Variants in NUP37 observed in about 807,000 individuals in gnomAD.
NUP37 encodes the protein nucleoporin 37, also known as nucleoporin Nup37.
In NUP37, 33 loss-of-function variants were observed where a neutral mutation model predicts 45.4. That is an observed-to-expected ratio of 0.73 (90% CI 0.55 to 0.97). NUP37 has a LOEUF of 0.97. Among genes scored for constraint, NUP37 ranks in the 50% least tolerant of loss-of-function variants. NUP37 has a pLI of 0.00. For missense variants in NUP37, 365 were observed against 389.7 expected, an observed-to-expected ratio of 0.94 and a Z score of 0.53; for synonymous variants, 127 against 130.7, an observed-to-expected ratio of 0.97 and a Z score of 0.19.
chr12:102,087,580 AG>A (rs1438195021), intron 5 of NUP37, among the ~76,000 whole-genome samples: 3 of 152,214 alleles, frequency 2.0e-5, no homozygotes, highest in Non-Finnish European at 4.4e-5. Flanking sequence ...ACGATGAATT[AG>A]ATTATTAATT....
At chr12:102,092,182 T>A (rs1335027350) in intron 5 of NUP37, among the ~76,000 whole-genome samples, 6 of 152,220 alleles carry the variant, frequency 3.9e-5, no homozygotes, top group Non-Finnish European at 7.4e-5. Context: ...AGGAAATTCA[T>A]CGCAGAAGGG....
chr12:102,113,668 TAC>T (rs1880379057), intron 2 of NUP37, among the ~76,000 whole-genome samples: 1 of 152,208 alleles, frequency 6.6e-6, no homozygotes, highest in Non-Finnish European at 1.5e-5. Flanking sequence ...CTGTGCTAAC[TAC>T]AGTTTTCTTT....
chr12:102,079,321 C>T (rs535651070), intron 6 of NUP37: 17 of 442,316 alleles, frequency 3.8e-5, no homozygotes, highest in Non-Finnish European at 7.3e-5. Flanking sequence ...ACACATAAAA[C>T]ATCATTTATT....
chr12:102,087,129 AG>A (rs1364539778), intron 5 of NUP37, among the ~76,000 whole-genome samples: 1 of 152,218 alleles, frequency 6.6e-6, no homozygotes, highest in Non-Finnish European at 1.5e-5. Flanking sequence ...CAATAAAAAA[AG>A]GACTGAATTC....
At chr12:102,119,162 T>C (rs1037438861) in intron 1 of NUP37, 14 of 152,330 alleles carry the variant, frequency 9.2e-5, no homozygotes, top group South Asian at 6.2e-4. Context: ...AGTTTAGGGA[T>C]AGTTATGACT....
chr12:102,095,429 G>A (rs1879775530), intron 5 of NUP37, among the ~76,000 whole-genome samples: 2 of 151,988 alleles, frequency 1.3e-5, no homozygotes, highest in South Asian at 4.1e-4. Flanking sequence ...GTATATATGT[G>A]TGCATATATT....
At chr12:102,104,068 T>C (rs927564376) in intron 3 of NUP37, among the ~76,000 whole-genome samples, 5 of 152,180 alleles carry the variant, frequency 3.3e-5, no homozygotes, top group African/African-American at 1.2e-4. Context: ...AGCTGCACCA[T>C]TGCTACATAC....
chr12:102,112,559 G>C (rs1425162084), intron 2 of NUP37, among the ~76,000 whole-genome samples: 1 of 152,138 alleles, frequency 6.6e-6, no homozygotes, highest in Non-Finnish European at 1.5e-5. Context: ...CACTTTGCGG[G>C]GCTGAGGTGG....
chr12:102,090,846 A>G (rs1318232414), intron 5 of NUP37, among the ~76,000 whole-genome samples: 2 of 152,172 alleles, frequency 1.3e-5, no homozygotes, highest in Non-Finnish European at 2.9e-5. Flanking sequence ...TTTAATATAC[A>G]TGGGTTGTAT....
chr12:102,099,051 G>A, intron 5 of NUP37, 55 bp downstream of exon 5: 3 of 1,139,918 alleles, frequency 2.6e-6, no homozygotes, highest in East Asian at 2.4e-5. Context: ...TTTTAAAAAT[G>A]TAATTCTCAT....
intron 2 of NUP37, among the ~76,000 whole-genome samples, chr12:102,115,391 A>T (rs574520439): frequency 4.1e-4 from 63 of 152,326 alleles, no homozygotes; most frequent in African/African-American, 1.5e-3. Context: ...TTCTAAGTCT[A>T]TTCAAGGGGT....
At chr12:102,111,074 G>A (rs933685675) in intron 3 of NUP37, among the ~76,000 whole-genome samples, 2 of 152,134 alleles carry the variant, frequency 1.3e-5, no homozygotes, top group African/African-American at 4.8e-5. Flanking sequence ...CCTATTTACA[G>A]AAGAATGAAT....
At chr12:102,115,021 A>T (rs1273958433) in intron 2 of NUP37, among the ~76,000 whole-genome samples, 1 of 152,224 alleles carries the variant, frequency 6.6e-6, no homozygotes, top group African/African-American at 2.4e-5. Context: ...CAGCAGATTC[A>T]GCCTCAGCCT....
chr12:102,107,732 T>C (rs1880194798), intron 3 of NUP37, among the ~76,000 whole-genome samples: 1 of 152,072 alleles, frequency 6.6e-6, no homozygotes, highest in South Asian at 2.1e-4. Flanking sequence ...TAATGTGAAG[T>C]GAACAAAGCA....
intron 5 of NUP37, 94 bp downstream of exon 5, chr12:102,099,010 ATT>A: frequency 1.2e-6 from 1 of 841,330 alleles, no homozygotes; most frequent in Non-Finnish European, 2.0e-6. Flanking sequence ...ACTCTATAGA[ATT>A]TATGTAAAAG....
intron 6 of NUP37, among the ~76,000 whole-genome samples, chr12:102,083,931 T>C (rs7342313): frequency 0.027 from 4,138 of 152,276 alleles, 181 homozygotes; most frequent in African/African-American, 0.095. Context: ...ACTGAGATTA[T>C]GGTGTTAGAC....
chr12:102,094,501 G>C (rs921298734), intron 5 of NUP37, among the ~76,000 whole-genome samples: 1 of 151,864 alleles, frequency 6.6e-6, no homozygotes, highest in East Asian at 1.9e-4. Context: ...GATCTCAATT[G>C]GGGTGGGGGT....
At chr12:102,115,556 G>C (rs1353461925) in intron 2 of NUP37, among the ~76,000 whole-genome samples, 1 of 152,106 alleles carries the variant, frequency 6.6e-6, no homozygotes, top group African/African-American at 2.4e-5. Flanking sequence ...TAAGGATATG[G>C]TCCTTGCTTT....
Position 102,115,475 on chromosome 12 carries a change from C to T in NUP37, c.156+2888G>A, listed in dbSNP as rs1411508089. 9.2e-5 allele frequency among the ~76,000 whole-genome samples: 14 copies of T among 152,220 alleles called. No individual in the cohort carries two copies. In the South Asian group the frequency reaches 1.2e-3, roughly 13 times the overall value. On this transcript the variant is annotated intron_variant, in intron 2 of 9. Transcript: ENST00000552283. ...ATTTAGGCAAGCATATATGTTCATG[C>T]TCCTCTGCCCTTTAACAAAGGTTTT... is the stretch of plus-strand genomic sequence containing the variant.
Sources: gnomAD v4.1 joint callset for allele counts (sites outside exome capture counted in the v4.1 genomes callset) on GRCh38, gnomAD v4.1.1 for gene constraint, MANE v1.5 for transcripts, NCBI Gene and HGNC (gene_info 2026-07-23, HGNC 2026-07-21) for gene names.